Variants in CABCOCO1 observed in about 807,000 individuals in gnomAD.
CABCOCO1 encodes the protein ciliary associated calcium binding coiled-coil 1.
In CABCOCO1, 28 loss-of-function variants were observed where a neutral mutation model predicts 35.7. The observed-to-expected ratio is 0.78, with a 90% CI of 0.58 to 1.07. CABCOCO1 has a LOEUF of 1.07. CABCOCO1 is among the 50% of genes least tolerant of loss of function. The pLI is 0.00. For missense variants in CABCOCO1, 326 were observed against 309.2 expected, an observed-to-expected ratio of 1.05 and a Z score of -0.41; for synonymous variants, 95 against 100.1, an observed-to-expected ratio of 0.95 and a Z score of 0.30.
At chr10:61,742,097 A>G (rs7086478) in intron 5 of CABCOCO1, among the ~76,000 whole-genome samples, 106,115 of 151,894 alleles carry the variant, frequency 0.7, 38,019 homozygotes, top group Middle Eastern at 0.89. Context: ...TTATTTCAGA[A>G]TATATATGAC....
At chr10:61,707,270 A>G (rs1181202102) in intron 5 of CABCOCO1, among the ~76,000 whole-genome samples, 1 of 152,098 alleles carries the variant, frequency 6.6e-6, no homozygotes, top group African/African-American at 2.4e-5. Flanking sequence ...ATGTGAGTGC[A>G]CTCAGGATAC....
At chr10:61,663,495 C>A (rs1307869892) in intron 1 of CABCOCO1, among the ~76,000 whole-genome samples, 6 of 151,894 alleles carry the variant, frequency 4.0e-5, no homozygotes, top group Admixed American at 3.9e-4. Flanking sequence ...CAAAAGGTGT[C>A]ATGAAATAAT....
chr10:61,690,543 T>C lies in CABCOCO1; in HGVS notation c.480-6T>C. 4 of 1,582,394 alleles carry C rather than the reference T, an allele frequency of 2.5e-6. No individual in the cohort carries two copies. The highest frequency in any genetic ancestry group is 3.5e-6 in the Non-Finnish European group (4 of 1,156,736). ...TATCAGAGTGCACATTTATTTTATA[T>C]TTCAGCTTATTTCAACACTACAAGC... On this transcript the variant is annotated splice_region_variant and splice_polypyrimidine_tract_variant and intron_variant, in intron 4 of 7. Coordinates refer to ENST00000648843, the MANE Select transcript of CABCOCO1 (RefSeq NM_001366906.2).
intron 4 of CABCOCO1, among the ~76,000 whole-genome samples, chr10:61,688,408 A>T (rs1013013997): frequency 1.3e-5 from 2 of 152,186 alleles, no homozygotes; most frequent in African/African-American, 4.8e-5. Flanking sequence ...TGCCCTTAAC[A>T]CACTCTGTCA....
At chr10:61,680,673 TA>T (rs1205969074) in intron 2 of CABCOCO1, among the ~76,000 whole-genome samples, 10 of 87,016 alleles carry the variant, frequency 1.1e-4, no homozygotes, top group Non-Finnish European at 1.6e-4. Context: ...ATGTATAACA[TA>T]TATGTTATAC....
chr10:61,751,446 G>C lies in CABCOCO1; in HGVS notation c.553-8613G>C, dbSNP rs530722950. Among the ~76,000 whole-genome samples the C allele has an allele frequency of 2.6e-5, 4 of 152,162 alleles. No individual in the cohort carries two copies. The South Asian group carries it at 8.3e-4, about 32-fold the overall frequency. ...GACTTAATGTTAGGGACAAGGGAGAGGGAATAACTGAAGACAGCTGCAAGG... is the reference window on the plus strand; with the variant it reads ...GACTTAATGTTAGGGACAAGGGAGACGGAATAACTGAAGACAGCTGCAAGG... On this transcript the variant is annotated intron_variant, in intron 5 of 7. Transcript: ENST00000648843.
intron 2 of CABCOCO1, among the ~76,000 whole-genome samples, chr10:61,677,505 A>G (rs574274677): frequency 6.6e-6 from 1 of 151,816 alleles, no homozygotes; most frequent in Admixed American, 6.6e-5. Context: ...AGTTATGTTC[A>G]TTACCATTTT....
rs1334280122 is a variant in CABCOCO1 at position 61,694,274 on chromosome 10, C to T, written c.552+3653C>T. The stretch of plus-strand genomic sequence containing the variant: ...TGGAAGATGGAGGAAGAGGCCACAA[C>T]TTTATCAACTGTCTTGTTATCTAGT... On this transcript the variant is annotated intron_variant, in intron 5 of 7. Coordinates refer to ENST00000648843, the MANE Select transcript of CABCOCO1 (RefSeq NM_001366906.2). 2.0e-5 allele frequency among the ~76,000 whole-genome samples: 3 copies of T among 147,320 alleles called. No homozygotes were observed. In the East Asian group the frequency reaches 5.9e-4, roughly 29 times the overall value.
At chr10:61,752,345 G>A (rs1342552831) in intron 5 of CABCOCO1, among the ~76,000 whole-genome samples, 1 of 131,264 alleles carries the variant, frequency 7.6e-6, no homozygotes. Flanking sequence ...GAATCACTAA[G>A]TGAGACTTTT....
In CABCOCO1 at chr10:61,680,725, T is replaced by A. The variant is rs1317658394; in HGVS notation, c.165-418T>A. 7.8e-5 allele frequency among the ~76,000 whole-genome samples: 10 copies of A among 127,616 alleles called. 1 individual carries two copies. Among genetic ancestry groups the A allele is most frequent in the Non-Finnish European group, 1.5e-4 (9 of 60,930 alleles). The allele number at this position is 127,616 out of a possible 152,430, so 83.7% of individuals were successfully genotyped here. On this transcript the variant is annotated intron_variant, in intron 2 of 7. Transcript: ENST00000648843. ...ATGTTATACATGTATAACATATATATTATATATATAATATATATATCTCAG... is the reference window on the plus strand; with the variant it reads ...ATGTTATACATGTATAACATATATAATATATATATAATATATATATCTCAG...
At chr10:61,752,565 TA>T (rs2132082312) in intron 5 of CABCOCO1, among the ~76,000 whole-genome samples, 1 of 152,322 alleles carries the variant, frequency 6.6e-6, no homozygotes, top group African/African-American at 2.4e-5. Context: ...TGAGGTTGAC[TA>T]AAGTAAATGA....
intron 5 of CABCOCO1, among the ~76,000 whole-genome samples, chr10:61,757,307 C>T (rs1589157239): frequency 1.3e-5 from 2 of 152,044 alleles, no homozygotes; most frequent in East Asian, 3.9e-4. Flanking sequence ...TTATTTCAAA[C>T]CATATATTTG....
chr10:61,716,876 G>A (rs571242446), intron 5 of CABCOCO1, among the ~76,000 whole-genome samples: 1 of 137,978 alleles, frequency 7.2e-6, no homozygotes, highest in South Asian at 2.4e-4. Flanking sequence ...AGATATTTCT[G>A]AGATTGTTTG....
At chr10:61,674,922 A>T (rs1311901258) in intron 2 of CABCOCO1, among the ~76,000 whole-genome samples, 2 of 152,164 alleles carry the variant, frequency 1.3e-5, no homozygotes, top group African/African-American at 2.4e-5. Flanking sequence ...GAAAGTAACT[A>T]TATAAACACA....
At chr10:61,686,479 C>T (rs1360946105) in intron 4 of CABCOCO1, among the ~76,000 whole-genome samples, 4 of 151,990 alleles carry the variant, frequency 2.6e-5, no homozygotes, top group Non-Finnish European at 5.9e-5. Context: ...TTAAGAATTT[C>T]ATTTTTCTTT....
rs1359679553 is a variant in CABCOCO1, at chr10:61,665,675, C to A, written c.60+2643C>A. Among the ~76,000 whole-genome samples the A allele has an allele frequency of 2.0e-5, 3 of 151,880 alleles. No homozygotes were observed. In the East Asian group the frequency reaches 5.8e-4, roughly 29 times the overall value. The stretch of plus-strand genomic sequence containing the variant: ...GGCCGAGGCGGGCGGATCACGAGGT[C>A]AGGAGATCGAGACCATCCTGGCTAA... On this transcript the variant is annotated intron_variant, in intron 1 of 7. Transcript: ENST00000648843.
At chr10:61,671,213 C>A (rs113611747) in intron 1 of CABCOCO1, among the ~76,000 whole-genome samples, 2,751 of 151,992 alleles carry the variant, frequency 0.018, 94 homozygotes, top group African/African-American at 0.063. Flanking sequence ...GTAGTCCCAG[C>A]TACTTGGGAG....
chr10:61,744,636 C>G (rs552837454), intron 5 of CABCOCO1, among the ~76,000 whole-genome samples: 9 of 152,144 alleles, frequency 5.9e-5, no homozygotes, highest in Non-Finnish European at 1.2e-4. Flanking sequence ...TCTTCCAGTA[C>G]ATGGCACACC....
intron 7 of CABCOCO1, among the ~76,000 whole-genome samples, chr10:61,764,244 G>A (rs532013572): frequency 3.9e-5 from 6 of 152,072 alleles, no homozygotes; most frequent in Admixed American, 6.6e-5. Context: ...TTTGAGTGGC[G>A]CAATTCTTCC....
Sources: allele counts gnomAD v4.1 joint callset (sites outside exome capture counted in the v4.1 genomes callset), GRCh38; gene constraint gnomAD v4.1.1; transcripts MANE v1.5; gene names NCBI Gene and HGNC (gene_info 2026-07-23, HGNC 2026-07-21).